The following NBPF14 variants were observed in gnomAD, a reference collection of about 807,000 sequenced individuals.
NBPF14 encodes the protein NBPF member 14.
NBPF14 carries 104 observed loss-of-function variants against 91.2 expected under a neutral mutation model. The observed-to-expected ratio is 1.14, with a 90% CI of 0.97 to 1.34. The LOEUF (loss-of-function observed/expected upper bound fraction) is 1.34. Among genes scored for constraint, NBPF14 ranks in the 40% most tolerant of loss-of-function variants. NBPF14 has a pLI of 0.00. For missense variants in NBPF14, 908 were observed against 783.0 expected, an observed-to-expected ratio of 1.16 and a Z score of -1.91; for synonymous variants, 294 against 303.8, an observed-to-expected ratio of 0.97 and a Z score of 0.34.
At chr1:148,574,470 C>CAA (rs1659487414) in intron 18 of NBPF14, among the ~76,000 whole-genome samples, 1 of 48,712 alleles carries the variant, frequency 2.1e-5, no homozygotes, top group Non-Finnish European at 4.1e-5. Context: ...CACACACACA[C>CAA]ACAGAGAGAG....
chr1:148,579,102 C>A (rs1366396230), exon 13 of NBPF14: 1 of 510,872 alleles, frequency 2.0e-6, no homozygotes, highest in Admixed American at 3.5e-5. Flanking sequence ...TGCAGACTTG[C>A]TGTTCCTCTA....
exon 69 of NBPF14, chr1:148,534,843 G>A (rs1175683645): frequency 6.7e-6 from 7 of 1,043,506 alleles, no homozygotes; most frequent in South Asian, 5.1e-5. Flanking sequence ...TCATCCAGCA[G>A]CTCCCTGCTG....
chr1:148,593,945 C>G (rs1284003097), intron 2 of NBPF14, among the ~76,000 whole-genome samples: 1 of 149,742 alleles, frequency 6.7e-6, no homozygotes, highest in Non-Finnish European at 1.5e-5. Context: ...ATGATTCAAC[C>G]ACAACGAAGT....
In NBPF14 at chr1:148,572,584, G is replaced by GC. The variant is rs1659257233; in HGVS notation, c.2616dup (p.Pro873AlafsTer2). 1.6e-6 allele frequency: 1 copy of GC among 637,354 alleles called. No homozygotes were observed. The highest frequency in any genetic ancestry group is 2.8e-6 in the Non-Finnish European group (1 of 361,262). 39.5% of individuals were successfully genotyped at this position (637,354 alleles called of 1,614,324 possible). On this transcript the variant is annotated frameshift_variant, in exon 21 of 71. Coordinates refer to ENST00000619423, the Ensembl canonical transcript of NBPF14. LOFTEE classifies it high-confidence loss of function. Reference sequence around the variant, plus strand: ...TCCAGTGAGTCCTGCAAGACTTCAGGCTCTTTCTCATCCAGCAGCTCCCTG... The same window carrying GC: ...TCCAGTGAGTCCTGCAAGACTTCAGGCCTCTTTCTCATCCAGCAGCTCCCTG...
At chr1:148,577,470 A>G (rs1437877470) in intron 14 of NBPF14, 115 bp from the exon 15 acceptor site, 6 of 699,878 alleles carry the variant, frequency 8.6e-6, no homozygotes, top group Admixed American at 6.1e-5. Flanking sequence ...GGACAGATCC[A>G]TTAATGAGGT....
chr1:148,566,627 T>C (rs1161482957), intron 28 of NBPF14, among the ~76,000 whole-genome samples: 14 of 139,892 alleles, frequency 1.0e-4, no homozygotes, highest in African/African-American at 3.4e-4. Flanking sequence ...TCTGAGTTAG[T>C]GCCCTCAGGA....
chr1:148,534,473 C>T (rs1487840440), intron 69 of NBPF14, among the ~76,000 whole-genome samples: 13 of 151,714 alleles, frequency 8.6e-5, no homozygotes, highest in Admixed American at 2.0e-4. Context: ...ACAGGTATGG[C>T]CTGAGACTAG....
Position 148,587,434 on chromosome 1 carries a change from G to T in NBPF14, c.989-31C>A. The stretch of plus-strand genomic sequence containing the variant: ...AAAAGACAGACACACCTACCTCAGT[G>T]GAAGGCTGGACATGCTGCTGTGGTC... On this transcript the variant is annotated intron_variant, in intron 7 of 70. Transcript: ENST00000619423. 1.9e-6 allele frequency: 3 copies of T among 1,554,058 alleles called. 1 individual carries two copies. Among genetic ancestry groups the T allele is most frequent in the Non-Finnish European group, 8.8e-7 (1 of 1,138,976 alleles).
At chr1:148,533,453 A>C (rs1297095704) in intron 70 of NBPF14, among the ~76,000 whole-genome samples, 1 of 149,868 alleles carries the variant, frequency 6.7e-6, no homozygotes, top group East Asian at 1.9e-4. Flanking sequence ...ACAGAGAGAG[A>C]GAGACAGAGA....
exon 69 of NBPF14, chr1:148,534,825 G>C: frequency 8.8e-7 from 1 of 1,137,596 alleles, no homozygotes; most frequent in Admixed American, 1.7e-5. Context: ...AAGACTTCAG[G>C]ATCTTTCTCA....
chr1:148,566,527 AC>A (rs2149515874), intron 28 of NBPF14, among the ~76,000 whole-genome samples: 2 of 130,450 alleles, frequency 1.5e-5, no homozygotes, highest in Non-Finnish European at 3.6e-5. Context: ...ACACACACAC[AC>A]ACACACACAC....
At chr1:148,560,278 C>G (rs1657588564) in intron 36 of NBPF14, among the ~76,000 whole-genome samples, 1 of 144,318 alleles carries the variant, frequency 6.9e-6, no homozygotes, top group South Asian at 2.2e-4. Context: ...CCTCATGACA[C>G]ACAGCAAACT....
chr1:148,593,854 CCTGA>C (rs1409822757), intron 2 of NBPF14, among the ~76,000 whole-genome samples, 154 bp from the exon 3 acceptor site: 2 of 149,130 alleles, frequency 1.3e-5, no homozygotes, highest in Admixed American at 6.7e-5. Flanking sequence ...TCTTCAGTCT[CCTGA>C]CTTTCTGGCA....
At chr1:148,585,236 T>A in intron 9 of NBPF14, 23 bp from the exon 10 acceptor site, 1 of 1,590,520 alleles carries the variant, frequency 6.3e-7, no homozygotes, top group East Asian at 2.2e-5. Context: ...AAGTGTTCGT[T>A]CAGGTATTTC....
chr1:148,592,902 A>C (rs1217672843), intron 3 of NBPF14, 136 bp from the exon 4 acceptor site: 5 of 661,900 alleles, frequency 7.6e-6, no homozygotes, highest in Non-Finnish European at 1.3e-5. Flanking sequence ...GAAAGGAATG[A>C]CTGTGGCCAA....
At position 148,587,406 on chromosome 1, in the gene NBPF14, G is replaced by A. The variant is rs1285414124; in HGVS notation, c.989-3C>T. On this transcript the variant is annotated splice_region_variant and splice_polypyrimidine_tract_variant and intron_variant, in intron 7 of 70. Transcript: ENST00000619423. ...GAGGTCTTTGCACTCTTCATATTCT[G>A]AGAAAAGACAGACACACCTACCTCA... 4 of 1,575,332 alleles carry A rather than the reference G, an allele frequency of 2.5e-6. 1 individual carries two copies. Among genetic ancestry groups the A allele is most frequent in the Non-Finnish European group, 3.5e-6 (4 of 1,155,080 alleles).
rs1364355611 is a variant in NBPF14 at position 148,559,851 on chromosome 1, A to G, written c.4671T>C (p.Tyr1557=). ...GCTCCAATATGTAAAAGGCACTTCT[A>G]TAGGGCTGGCATGAGTCAGTCAGTT... Residue 1557 remains tyrosine, a synonymous_variant, in exon 37 of 71, where the codon TAT becomes TAC. Transcript: ENST00000619423. 3.1e-4 allele frequency: 472 copies of G among 1,513,114 alleles called. 76 individuals carry two copies. In the African/African-American group the frequency reaches 5.0e-3, roughly 16 times the overall value. The allele number at this position is 1,513,114 out of a possible 1,614,324, so 93.7% of individuals were successfully genotyped here. A position where few individuals can be genotyped will look rare whatever the true frequency, so the allele number is the denominator to read the frequency against.
At chr1:148,560,678 C>G in exon 36 of NBPF14, 1 of 176,508 alleles carries the variant, frequency 5.7e-6, no homozygotes, top group Non-Finnish European at 9.5e-6. Flanking sequence ...TTCCCCTTCC[C>G]CTTCTTTTCA....
chr1:148,589,734 T>C (rs1264090592), intron 6 of NBPF14, among the ~76,000 whole-genome samples: 1 of 140,864 alleles, frequency 7.1e-6, no homozygotes, highest in African/African-American at 2.6e-5. Flanking sequence ...TCTTTTTTGG[T>C]TTTTTGTTTT....
Sources: gnomAD v4.1 joint callset for allele counts (sites outside exome capture counted in the v4.1 genomes callset) on GRCh38, gnomAD v4.1.1 for gene constraint, MANE v1.5 for transcripts, NCBI Gene and HGNC (gene_info 2026-07-23, HGNC 2026-07-21) for gene names.